The following NXPH1 variants were observed in gnomAD, a reference collection of about 807,000 sequenced individuals.
The protein encoded by NXPH1 is neurexophilin-1.
Under a neutral mutation model 23.7 loss-of-function variants are expected in NXPH1, and 5 were observed. That is an observed-to-expected ratio of 0.21 (90% CI 0.11 to 0.44). NXPH1 has a LOEUF of 0.44. Among genes scored for constraint, NXPH1 ranks in the 20% least tolerant of loss-of-function variants. NXPH1 has a pLI of 0.99. For synonymous variants in NXPH1, 144 were observed against 122.2 expected (o/e 1.18, Z -1.18); for missense variants, 324 against 321.6 (o/e 1.01, Z -0.06).
At chr7:8,692,968 G>T (rs1444268974) in intron 2 of NXPH1, among the ~76,000 whole-genome samples, 1 of 152,132 alleles carries the variant, frequency 6.6e-6, no homozygotes, top group Non-Finnish European at 1.5e-5. Flanking sequence ...TTACAAGTAA[G>T]TGAAGTCTTC....
At chr7:8,591,215 C>T (rs942008917) in intron 2 of NXPH1, among the ~76,000 whole-genome samples, 2 of 151,926 alleles carry the variant, frequency 1.3e-5, no homozygotes, top group Non-Finnish European at 2.9e-5. Flanking sequence ...TTTCTTCGAC[C>T]CTCACAAGAA....
At chr7:8,686,677 ATTATTTCATCTGCCT>A (rs1821150127) in intron 2 of NXPH1, among the ~76,000 whole-genome samples, 2 of 152,184 alleles carry the variant, frequency 1.3e-5, no homozygotes, top group South Asian at 4.1e-4. Context: ...GACAAGTGGC[ATTATTTCATCTGCCT>A]TTGGTTCTAA....
intron 2 of NXPH1, among the ~76,000 whole-genome samples, chr7:8,599,852 T>A (rs1819315865): frequency 6.6e-6 from 1 of 151,892 alleles, no homozygotes; most frequent in Non-Finnish European, 1.5e-5. Flanking sequence ...GGTATTAGTT[T>A]AGTAGCAAAT....
chr7:8,561,013 A>G (rs921282601), intron 2 of NXPH1, among the ~76,000 whole-genome samples: 12 of 151,610 alleles, frequency 7.9e-5, no homozygotes, highest in African/African-American at 2.4e-4. Flanking sequence ...ATTAATGATC[A>G]TAAGTACAAC....
intron 2 of NXPH1, among the ~76,000 whole-genome samples, chr7:8,742,138 CA>C (rs1238432620): frequency 6.6e-6 from 1 of 151,984 alleles, no homozygotes; most frequent in Non-Finnish European, 1.5e-5. Context: ...AAAAGCAAAA[CA>C]AATTAAAAGA....
chr7:8,605,828 G>C (rs1049871152), intron 2 of NXPH1, among the ~76,000 whole-genome samples: 8 of 152,166 alleles, frequency 5.3e-5, no homozygotes, highest in Non-Finnish European at 1.0e-4. Context: ...AGTTTCAGAA[G>C]ATCTTAATAT....
intron 2 of NXPH1, among the ~76,000 whole-genome samples, chr7:8,670,007 G>T (rs903772833): frequency 6.6e-6 from 1 of 152,168 alleles, no homozygotes; most frequent in African/African-American, 2.4e-5. Flanking sequence ...CAGAACCCCA[G>T]TCTTCAGTTG....
At chr7:8,603,729 C>G (rs1056535931) in intron 2 of NXPH1, among the ~76,000 whole-genome samples, 3 of 152,122 alleles carry the variant, frequency 2.0e-5, no homozygotes, top group African/African-American at 7.2e-5. Flanking sequence ...TTTACTCTCT[C>G]CAGGATCTTA....
intron 2 of NXPH1, among the ~76,000 whole-genome samples, chr7:8,679,691 T>G (rs971738574): frequency 6.6e-6 from 1 of 152,356 alleles, no homozygotes; most frequent in Admixed American, 6.5e-5. Flanking sequence ...CATGGTGGCC[T>G]TAATCACCCA....
At chr7:8,635,918 A>G (rs1167608255) in intron 2 of NXPH1, among the ~76,000 whole-genome samples, 2 of 152,140 alleles carry the variant, frequency 1.3e-5, no homozygotes, top group Non-Finnish European at 2.9e-5. Context: ...TTTATAGAAA[A>G]AAAGTGCTGT....
intron 2 of NXPH1, among the ~76,000 whole-genome samples, chr7:8,437,707 G>A (rs551376065): frequency 1.3e-5 from 2 of 152,214 alleles, no homozygotes; most frequent in African/African-American, 4.8e-5. Flanking sequence ...ATTCTAATGC[G>A]CTGCGTTCTC....
At chr7:8,474,575 C>A (rs1816935479) in intron 2 of NXPH1, among the ~76,000 whole-genome samples, 1 of 152,140 alleles carries the variant, frequency 6.6e-6, no homozygotes, top group Non-Finnish European at 1.5e-5. Flanking sequence ...TTACAAAAAA[C>A]AGGTTGATGC....
intron 2 of NXPH1, among the ~76,000 whole-genome samples, chr7:8,739,945 C>T (rs1305885998): frequency 2.0e-5 from 3 of 152,112 alleles, no homozygotes; most frequent in Non-Finnish European, 4.4e-5. Context: ...CTCCTGGGAC[C>T]ACCATTGTAT....
At chr7:8,627,195 T>C (rs1276246566) in intron 2 of NXPH1, among the ~76,000 whole-genome samples, 1 of 152,110 alleles carries the variant, frequency 6.6e-6, no homozygotes, top group East Asian at 1.9e-4. Context: ...TATGTATATT[T>C]GATGTCCAGC....
intron 2 of NXPH1, among the ~76,000 whole-genome samples, chr7:8,648,082 A>T (rs1382922726): frequency 6.6e-6 from 1 of 152,204 alleles, no homozygotes; most frequent in African/African-American, 2.4e-5. Context: ...ATGTTTTGAT[A>T]CAGGCATGCA....
intron 2 of NXPH1, among the ~76,000 whole-genome samples, chr7:8,458,917 A>G (rs1043213675): frequency 6.6e-6 from 1 of 152,118 alleles, no homozygotes; most frequent in Non-Finnish European, 1.5e-5. Context: ...TGGAAATAGA[A>G]TTTTGGGGTG....
At chr7:8,676,395 C>T (rs990353080) in intron 2 of NXPH1, among the ~76,000 whole-genome samples, 10 of 152,140 alleles carry the variant, frequency 6.6e-5, no homozygotes, top group African/African-American at 2.4e-4. Context: ...GCATAACACT[C>T]CACCTGAGGG....
intron 2 of NXPH1, among the ~76,000 whole-genome samples, chr7:8,743,689 C>CT (rs5882188): frequency 0.41 from 58,384 of 141,568 alleles, 12,309 homozygotes; most frequent in African/African-American, 0.53. Flanking sequence ...TTTTTCTTTT[C>CT]TTTTTTTTTT....
chr7:8,689,137 G>A (rs144766452), intron 2 of NXPH1, among the ~76,000 whole-genome samples: 2 of 152,214 alleles, frequency 1.3e-5, no homozygotes, highest in East Asian at 3.9e-4. Context: ...AGAGTATATA[G>A]GATGGCTAAC....
Sources: allele counts gnomAD v4.1 joint callset (sites outside exome capture counted in the v4.1 genomes callset), GRCh38; gene constraint gnomAD v4.1.1; transcripts MANE v1.5; gene names NCBI Gene and HGNC (gene_info 2026-07-23, HGNC 2026-07-21).